The following TAFA1 variants were observed in gnomAD, a reference collection of about 807,000 sequenced individuals.
The protein encoded by TAFA1 is chemokine-like protein TAFA-1.
In TAFA1, 4 loss-of-function variants were observed where a neutral mutation model predicts 18.5. The observed-to-expected ratio is 0.22, with a 90% CI of 0.11 to 0.49. The LOEUF is 0.49. Ranked by LOEUF, TAFA1 falls within the 20% of genes least tolerant of loss-of-function variation. The pLI, the probability that TAFA1 is intolerant of heterozygous loss-of-function variation, is 0.98. For synonymous variants in TAFA1, 56 were observed against 55.2 expected (o/e 1.01, Z -0.06); for missense variants, 147 against 169.0 (o/e 0.87, Z 0.72).
intron 2 of TAFA1, among the ~76,000 whole-genome samples, chr3:68,125,951 C>T (rs2065459317): frequency 6.6e-6 from 1 of 152,146 alleles, no homozygotes; most frequent in Non-Finnish European, 1.5e-5. Context: ...AGAAAGTGTT[C>T]CACATGCTTC....
At chr3:68,247,232 ACATGCAACC>A (rs1467396766) in intron 2 of TAFA1, 1 of 152,158 alleles carries the variant, frequency 6.6e-6, no homozygotes, top group Non-Finnish European at 1.5e-5. Context: ...AATCTCTTTC[ACATGCAACC>A]TTTGGACAAA....
At position 68,089,069 on chromosome 3, in the gene TAFA1, G is replaced by A. The variant is rs191413259; in HGVS notation, c.118+82325G>A. 6.6e-5 allele frequency among the ~76,000 whole-genome samples: 10 copies of A among 152,162 alleles called. No homozygotes were observed. The East Asian group carries it at 1.9e-3, about 29-fold the overall frequency. On this transcript the variant is annotated intron_variant, in intron 2 of 4. Transcript: ENST00000478136. ...TCATGAGGATGAGTGGGGGAGGAGA[G>A]TCAATATTTTGGTTTTGCACGTGCT...
At chr3:68,530,087 G>C (rs116552182) in intron 3 of TAFA1, among the ~76,000 whole-genome samples, 1,961 of 152,314 alleles carry the variant, frequency 0.013, 19 homozygotes, top group Non-Finnish European at 0.02. Flanking sequence ...TTTGAGGACA[G>C]GACTATGTCA....
intron 2 of TAFA1, among the ~76,000 whole-genome samples, chr3:68,010,284 G>C (rs1704446029): frequency 6.6e-6 from 1 of 152,040 alleles, no homozygotes; most frequent in Admixed American, 6.6e-5. Context: ...TAATATTGAT[G>C]GTATTCAGAC....
chr3:68,052,150 C>A (rs2064478458), intron 2 of TAFA1, among the ~76,000 whole-genome samples: 1 of 152,114 alleles, frequency 6.6e-6, no homozygotes. Context: ...GCTTTCTGTA[C>A]TGAATTTCAC....
intron 2 of TAFA1, among the ~76,000 whole-genome samples, chr3:68,099,908 A>G (rs965971342): frequency 1.3e-5 from 2 of 152,144 alleles, no homozygotes; most frequent in Non-Finnish European, 2.9e-5. Flanking sequence ...CAGAAAAGCA[A>G]ATATCACATA....
chr3:68,381,240 C>T (rs1044826830), intron 2 of TAFA1, among the ~76,000 whole-genome samples: 247 of 151,746 alleles, frequency 1.6e-3, no homozygotes, highest in Non-Finnish European at 2.6e-3. Flanking sequence ...TTAGGATTCA[C>T]TTGGCAATGT....
chr3:68,520,340 A>AAT (rs2073001641), intron 3 of TAFA1, among the ~76,000 whole-genome samples: 1 of 152,192 alleles, frequency 6.6e-6, no homozygotes, highest in East Asian at 1.9e-4. Flanking sequence ...ACAATAAATA[A>AAT]ATATTAGAAG....
At chr3:68,205,590 A>G (rs908616585) in intron 2 of TAFA1, among the ~76,000 whole-genome samples, 4 of 151,850 alleles carry the variant, frequency 2.6e-5, no homozygotes, top group African/African-American at 4.8e-5. Flanking sequence ...ACTGAGCACG[A>G]CCTTCAACTC....
intron 2 of TAFA1, among the ~76,000 whole-genome samples, chr3:68,127,024 A>G (rs978137233): frequency 1.3e-5 from 2 of 152,226 alleles, no homozygotes; most frequent in African/African-American, 4.8e-5. Context: ...TGATGTTACT[A>G]TGTAGCCTGA....
chr3:68,230,392 T>G (rs2066858418), intron 2 of TAFA1, among the ~76,000 whole-genome samples: 1 of 152,178 alleles, frequency 6.6e-6, no homozygotes, highest in East Asian at 1.9e-4. Context: ...TGTGCCTGGC[T>G]TATTTCACTT....
At chr3:68,465,821 CTGTT>C (rs1234889904) in intron 3 of TAFA1, among the ~76,000 whole-genome samples, 2 of 151,866 alleles carry the variant, frequency 1.3e-5, no homozygotes, top group Non-Finnish European at 2.9e-5. Flanking sequence ...AAAATGTTGT[CTGTT>C]TGCTAGGAAA....
intron 2 of TAFA1, among the ~76,000 whole-genome samples, chr3:68,275,676 C>A (rs1164977790): frequency 6.6e-6 from 1 of 151,686 alleles, no homozygotes. Flanking sequence ...TGAACGGAGA[C>A]CTGAATGGGA....
intron 2 of TAFA1, among the ~76,000 whole-genome samples, chr3:68,155,956 C>T (rs902251486): frequency 3.3e-5 from 5 of 152,064 alleles, no homozygotes; most frequent in Admixed American, 1.3e-4. Context: ...AACACAACAG[C>T]GGTTGCAGGC....
intron 2 of TAFA1, among the ~76,000 whole-genome samples, chr3:68,123,878 CAA>C (rs758966848): frequency 1.1e-3 from 79 of 72,098 alleles, no homozygotes; most frequent in East Asian, 3.2e-3. Flanking sequence ...CTTTTTTTTC[CAA>C]AAAAAAAAAA....
At chr3:68,381,316 G>T (rs2106672311) in intron 2 of TAFA1, among the ~76,000 whole-genome samples, 1 of 151,286 alleles carries the variant, frequency 6.6e-6, no homozygotes, top group African/African-American at 2.4e-5. Context: ...GAAAGTCATT[G>T]GTAGCTTGAT....
intron 2 of TAFA1, among the ~76,000 whole-genome samples, chr3:68,119,221 G>C (rs202222515): frequency 1.3e-5 from 2 of 151,986 alleles, no homozygotes; most frequent in East Asian, 3.9e-4. Flanking sequence ...CTTTAATCAA[G>C]CTGTTTGGTT....
rs573173657 is a variant in TAFA1 at position 68,154,167 on chromosome 3, T to C, written c.118+147423T>C. On this transcript the variant is annotated intron_variant, in intron 2 of 4. Transcript: ENST00000478136. ...CTGTCCATCTCTTTTTGCCAGTATT[T>C]TCTAAAACATCCTAAGATAACCCTC... 1.3e-5 allele frequency among the ~76,000 whole-genome samples: 2 copies of C among 152,290 alleles called. 1 individual carries two copies. Among genetic ancestry groups the C allele is most frequent in the South Asian group, 4.1e-4 (2 of 4,828 alleles).
At chr3:68,268,449 T>G (rs937231798) in intron 2 of TAFA1, among the ~76,000 whole-genome samples, 1 of 152,138 alleles carries the variant, frequency 6.6e-6, no homozygotes, top group Admixed American at 6.6e-5. Flanking sequence ...GCAGTTCAAT[T>G]GTCAGCTAAA....
Sources: gnomAD v4.1 joint callset for allele counts (sites outside exome capture counted in the v4.1 genomes callset) on GRCh38, gnomAD v4.1.1 for gene constraint, MANE v1.5 for transcripts, NCBI Gene and HGNC (gene_info 2026-07-23, HGNC 2026-07-21) for gene names.